The following CCDC102B variants were observed in gnomAD, a reference collection of about 807,000 sequenced individuals.
CCDC102B encodes coiled-coil domain-containing protein 102B.
In CCDC102B, 75 loss-of-function variants were observed where a neutral mutation model predicts 57.4. The observed-to-expected ratio is 1.31, with a 90% CI of 1.08 to 1.58. CCDC102B has a LOEUF of 1.58. CCDC102B is among the 40% of genes most tolerant of loss of function. CCDC102B has a pLI of 0.00. For synonymous variants in CCDC102B, 206 were observed against 201.9 expected (o/e 1.02, Z -0.17); for missense variants, 636 against 582.6 (o/e 1.09, Z -0.94).
chr18:68,838,417 A>G lies in CCDC102B; in HGVS notation c.607-289A>G, dbSNP rs2037479306. 14 of 985,262 alleles carry G rather than the reference A, an allele frequency of 1.4e-5. No individual in the cohort carries two copies. The South Asian group carries it at 5.2e-4, about 36-fold the overall frequency. The allele number at this position is 985,262 out of a possible 1,614,324, so 61.0% of individuals were successfully genotyped here. ...ATTAAAAATTATTTACAGCTGTTCA[A>G]GTTTGTGCAGAGTTATTTTTAGCTG... is the stretch of plus-strand genomic sequence containing the variant. On this transcript the variant is annotated intron_variant, in intron 2 of 7. Coordinates refer to ENST00000360242, the MANE Select transcript of CCDC102B (RefSeq NM_024781.3).
chr18:68,997,125 G>C (rs12232671), intron 6 of CCDC102B, among the ~76,000 whole-genome samples: 130,203 of 151,838 alleles, frequency 0.86, 57,776 homozygotes, highest in Non-Finnish European at 0.97. Flanking sequence ...GCCTTCCACT[G>C]TGATTGTAAG....
At chr18:68,879,221 G>T (rs2039578820) in intron 5 of CCDC102B, among the ~76,000 whole-genome samples, 1 of 152,052 alleles carries the variant, frequency 6.6e-6, no homozygotes, top group Admixed American at 6.5e-5. Flanking sequence ...CCTCCCGGTG[G>T]GCTCTTGGTC....
At chr18:68,872,330 C>T (rs2144922744) in intron 4 of CCDC102B, among the ~76,000 whole-genome samples, 1 of 152,142 alleles carries the variant, frequency 6.6e-6, no homozygotes, top group African/African-American at 2.4e-5. Flanking sequence ...GGGAACTGTC[C>T]AATGGAGTAG....
chr18:68,997,245 C>T (rs1314919506), intron 6 of CCDC102B, among the ~76,000 whole-genome samples: 1 of 152,178 alleles, frequency 6.6e-6, no homozygotes, highest in Admixed American at 6.5e-5. Context: ...AATGGACTAA[C>T]ACACCCACAC....
intron 1 of CCDC102B, among the ~76,000 whole-genome samples, chr18:68,810,676 C>CTTTTT (rs1171476369): frequency 1.7e-5 from 1 of 57,436 alleles, no homozygotes; most frequent in Admixed American, 2.1e-4. Context: ...CTTTTCTTTT[C>CTTTTT]TTTGTTTTTT....
intron 2 of CCDC102B, among the ~76,000 whole-genome samples, chr18:68,737,143 GAGA>G (rs1460715674): frequency 1.3e-5 from 2 of 152,000 alleles, no homozygotes; most frequent in Non-Finnish European, 2.9e-5. Context: ...GATTTTTCTT[GAGA>G]AGGTGTTCTC....
chr18:68,907,239 G>C (rs2040682656), intron 6 of CCDC102B, among the ~76,000 whole-genome samples: 5 of 151,764 alleles, frequency 3.3e-5, no homozygotes, highest in Non-Finnish European at 5.9e-5. Context: ...GGAAGTGCGA[G>C]TATTTCAACT....
intron 1 of CCDC102B, among the ~76,000 whole-genome samples, chr18:68,805,394 C>T (rs2035998326): frequency 6.6e-6 from 1 of 152,082 alleles, no homozygotes; most frequent in Non-Finnish European, 1.5e-5. Flanking sequence ...TTCTCAAAGC[C>T]TGATCAAGAG....
At chr18:68,755,366 G>A (rs1479608529) in intron 2 of CCDC102B, among the ~76,000 whole-genome samples, 1 of 152,086 alleles carries the variant, frequency 6.6e-6, no homozygotes, top group East Asian at 1.9e-4. Context: ...TGGCTGATGT[G>A]GGCAGGCTCA....
chr18:68,806,950 C>T (rs920337486), intron 1 of CCDC102B, among the ~76,000 whole-genome samples: 1 of 152,066 alleles, frequency 6.6e-6, no homozygotes, highest in Admixed American at 6.5e-5. Context: ...TTTAAGACAG[C>T]ACAGGTTTAA....
At chr18:68,923,567 C>T (rs1034430079) in intron 6 of CCDC102B, among the ~76,000 whole-genome samples, 4 of 151,986 alleles carry the variant, frequency 2.6e-5, no homozygotes, top group South Asian at 2.1e-4. Flanking sequence ...TTTTATCACC[C>T]CCATTTTGTA....
intron 6 of CCDC102B, among the ~76,000 whole-genome samples, chr18:69,001,751 A>G (rs776941837): frequency 4.6e-5 from 7 of 152,196 alleles, no homozygotes; most frequent in Non-Finnish European, 7.3e-5. Context: ...CTGATTACCA[A>G]TGAGTATTAG....
At chr18:68,902,700 GTTC>G (rs1254631645) in intron 6 of CCDC102B, among the ~76,000 whole-genome samples, 2 of 152,158 alleles carry the variant, frequency 1.3e-5, no homozygotes, top group African/African-American at 4.8e-5. Flanking sequence ...GCCTGCTACA[GTTC>G]TTCTCTGGTC....
At chr18:68,832,815 T>G (rs1401931344) in intron 1 of CCDC102B, among the ~76,000 whole-genome samples, 3 of 151,864 alleles carry the variant, frequency 2.0e-5, no homozygotes, top group Non-Finnish European at 4.4e-5. Flanking sequence ...GCAAACAGGT[T>G]GCACCAAGGA....
At chr18:68,954,899 G>C (rs2049799354) in intron 6 of CCDC102B, among the ~76,000 whole-genome samples, 1 of 152,082 alleles carries the variant, frequency 6.6e-6, no homozygotes, top group African/African-American at 2.4e-5. Flanking sequence ...CATAACCCTT[G>C]AGTACAATAA....
At chr18:68,932,919 C>A (rs2041724373) in intron 6 of CCDC102B, among the ~76,000 whole-genome samples, 2 of 151,762 alleles carry the variant, frequency 1.3e-5, no homozygotes, top group African/African-American at 4.8e-5. Flanking sequence ...AATGTAATGT[C>A]CAGTAGACAT....
chr18:68,792,435 A>G (rs1360686663), intron 2 of CCDC102B, among the ~76,000 whole-genome samples: 1 of 152,238 alleles, frequency 6.6e-6, no homozygotes, highest in African/African-American at 2.4e-5. Flanking sequence ...AGACTGGGAC[A>G]TGCCTGAATT....
intron 7 of CCDC102B, among the ~76,000 whole-genome samples, chr18:69,022,211 A>ATG (rs2051855874): frequency 2.7e-5 from 1 of 37,008 alleles, no homozygotes; most frequent in Non-Finnish European, 9.0e-5. Flanking sequence ...ATATATATAT[A>ATG]TATATATATA....
intron 6 of CCDC102B, among the ~76,000 whole-genome samples, chr18:68,984,285 C>G (rs1478121801): frequency 2.0e-5 from 3 of 151,986 alleles, no homozygotes; most frequent in African/African-American, 7.2e-5. Context: ...TTCTGGGAGT[C>G]TGGCATTTGC....
Sources: allele counts gnomAD v4.1 joint callset (sites outside exome capture counted in the v4.1 genomes callset), GRCh38; gene constraint gnomAD v4.1.1; transcripts MANE v1.5; gene names NCBI Gene and HGNC (gene_info 2026-07-23, HGNC 2026-07-21).